Variants in RAPGEF6 observed in about 807,000 individuals in gnomAD.
The protein encoded by RAPGEF6 is PDZ domain containing guanine nucleotide exchange factor (GEF) 2.
RAPGEF6 carries 56 observed loss-of-function variants against 171.4 expected under a neutral mutation model. The ratio of observed to expected loss-of-function variants is 0.33; its 90% CI spans 0.26 to 0.41. The LOEUF (loss-of-function observed/expected upper bound fraction) is 0.41, where lower values mean the gene tolerates loss of function less well. Ranked by LOEUF, RAPGEF6 falls within the 10% of genes least tolerant of loss-of-function variation. RAPGEF6 has a pLI of 1.00. For missense variants in RAPGEF6, 1,674 were observed against 1,921.4 expected (o/e 0.87, Z 2.41); for synonymous variants, 692 against 650.1 (o/e 1.06, Z -0.98).
chr5:131,442,331 T>C lies in RAPGEF6; in HGVS notation c.3610+18A>G, dbSNP rs369229200. The C allele has an allele frequency of 2.5e-6, 4 of 1,585,780 alleles. No individual in the cohort carries two copies. The highest frequency in any genetic ancestry group is 2.7e-5 in the African/African-American group (2 of 73,862). ...AAATTTCAGGTAAACGGATGTAATA[T>C]TAATGGTGAATACTCACTCAGTGCA... is the stretch of plus-strand genomic sequence containing the variant. On this transcript the variant is annotated intron_variant, in intron 23 of 27. Transcript: ENST00000509018.
chr5:131,599,233 A>G (rs1014814810), intron 3 of RAPGEF6, among the ~76,000 whole-genome samples: 2 of 152,108 alleles, frequency 1.3e-5, no homozygotes, highest in African/African-American at 4.8e-5. Context: ...AGGCTGAGGC[A>G]TGAGAATCGC....
intron 7 of RAPGEF6, among the ~76,000 whole-genome samples, chr5:131,517,953 T>G (rs945300463): frequency 6.6e-6 from 1 of 151,168 alleles, no homozygotes; most frequent in Non-Finnish European, 1.5e-5. Context: ...TATTTTCCAA[T>G]TTTTTTTTCA....
At chr5:131,473,657 C>T (rs1456923852) in intron 16 of RAPGEF6, among the ~76,000 whole-genome samples, 1 of 152,090 alleles carries the variant, frequency 6.6e-6, no homozygotes, top group East Asian at 1.9e-4. Context: ...CAGCATTCTG[C>T]CTAGTACTTG....
At chr5:131,457,694 A>G (rs1202476448) in intron 19 of RAPGEF6, among the ~76,000 whole-genome samples, 1 of 152,176 alleles carries the variant, frequency 6.6e-6, no homozygotes, top group African/African-American at 2.4e-5. Flanking sequence ...TGCTGACTTT[A>G]TGTATCCACA....
At chr5:131,428,840 A>G in intron 27 of RAPGEF6, 62 bp downstream of exon 27, 1 of 1,455,386 alleles carries the variant, frequency 6.9e-7, no homozygotes, top group Non-Finnish European at 9.4e-7. Flanking sequence ...ATACCAAAGT[A>G]AAGACCATTT....
At chr5:131,609,810 G>A (rs1314793193) in intron 1 of RAPGEF6, among the ~76,000 whole-genome samples, 3 of 152,162 alleles carry the variant, frequency 2.0e-5, no homozygotes, top group Admixed American at 6.5e-5. Context: ...CTGGGTTTGG[G>A]TTTATCTTAC....
intron 6 of RAPGEF6, among the ~76,000 whole-genome samples, chr5:131,525,276 G>C (rs973858762): frequency 2.0e-5 from 3 of 151,990 alleles, no homozygotes; most frequent in African/African-American, 7.3e-5. Context: ...TTACAATTAA[G>C]GCAAGTCTCA....
In RAPGEF6 at chr5:131,521,840, T is replaced by TACACACAC. The variant is rs3992018; in HGVS notation, c.496-327_496-320dup. Among the ~76,000 whole-genome samples, 411 of 97,216 alleles carry TACACACAC rather than the reference T, an allele frequency of 4.2e-3. 3 individuals are homozygous for TACACACAC. The highest frequency in any genetic ancestry group is 0.015 in the East Asian group (42 of 2,884). The allele number at this position is 97,216 out of a possible 152,430, so 63.8% of individuals were successfully genotyped here. A position where few individuals can be genotyped will look rare whatever the true frequency, so the allele number is the denominator to read the frequency against. On this transcript the variant is annotated intron_variant, in intron 6 of 27. Coordinates refer to ENST00000509018, the MANE Select transcript of RAPGEF6 (RefSeq NM_016340.6). Reference sequence around the variant, plus strand: ...CCATTTAAGGGTAGGAATGTTACCCTACACACACACACACACACACACACA... The same window carrying TACACACAC: ...CCATTTAAGGGTAGGAATGTTACCCTACACACACACACACACACACACACACACACACA...
Position 131,533,105 on chromosome 5 carries a change from C to T in RAPGEF6, c.496-11584G>A, listed in dbSNP as rs946680790. The T allele has an allele frequency of 4.6e-5, 7 of 151,844 alleles. No homozygotes were observed. In the Admixed American group the frequency reaches 4.6e-4, roughly 10 times the overall value. 9.4% of individuals were successfully genotyped at this position (151,844 alleles called of 1,614,324 possible). ...CACCTGTACAGAAAGCCTCCAGAAA[C>T]TGCATTAGATCAATTGGCTACTGTA... On this transcript the variant is annotated intron_variant, in intron 6 of 27. Transcript: ENST00000509018.
chr5:131,482,003 G>C (rs555281762), intron 15 of RAPGEF6, among the ~76,000 whole-genome samples: 181 of 152,316 alleles, frequency 1.2e-3, no homozygotes, highest in African/African-American at 4.3e-3. Flanking sequence ...TTACAAGTAA[G>C]ATAGAAATGG....
chr5:131,554,028 G>A (rs191555317), intron 5 of RAPGEF6, among the ~76,000 whole-genome samples: 2 of 152,022 alleles, frequency 1.3e-5, no homozygotes, highest in African/African-American at 2.4e-5. Context: ...GAAAAACTAC[G>A]ATACCAAATT....
intron 15 of RAPGEF6, among the ~76,000 whole-genome samples, chr5:131,486,148 G>T (rs1369622663): frequency 6.6e-6 from 1 of 152,170 alleles, no homozygotes; most frequent in Non-Finnish European, 1.5e-5. Context: ...AACAAAGGTT[G>T]TAATGCTACT....
chr5:131,508,422 G>C (rs1173154528), intron 8 of RAPGEF6, among the ~76,000 whole-genome samples: 1 of 152,128 alleles, frequency 6.6e-6, no homozygotes, highest in Non-Finnish European at 1.5e-5. Context: ...GGGCATATTG[G>C]AAGATAACAG....
At chr5:131,591,934 G>A (rs1290924351) in intron 4 of RAPGEF6, among the ~76,000 whole-genome samples, 4 of 151,810 alleles carry the variant, frequency 2.6e-5, no homozygotes, top group Non-Finnish European at 2.9e-5. Flanking sequence ...CTCAGCTCAC[G>A]GCAACCTCCA....
rs34309602 is a variant in RAPGEF6, at chr5:131,568,336, A to AT, written c.282-6290dup. Among the ~76,000 whole-genome samples, 20 of 147,922 alleles carry AT rather than the reference A, an allele frequency of 1.4e-4. No individual in the cohort carries two copies. The South Asian group carries it at 1.9e-3, about 14-fold the overall frequency. On this transcript the variant is annotated intron_variant, in intron 4 of 27. Transcript: ENST00000509018. The stretch of plus-strand genomic sequence containing the variant: ...TGATTTTTTAAATGTTATTTTTGTT[A>AT]TTTTTTTTTTTTAGAGATAGGGTCT...
intron 15 of RAPGEF6, among the ~76,000 whole-genome samples, chr5:131,481,304 C>A (rs557892712): frequency 6.6e-6 from 1 of 151,810 alleles, no homozygotes; most frequent in Non-Finnish European, 1.5e-5. Flanking sequence ...GGGCTCACTG[C>A]AGCCTGGACC....
At chr5:131,626,982 G>T (rs1356790714) in intron 1 of RAPGEF6, among the ~76,000 whole-genome samples, 1 of 152,170 alleles carries the variant, frequency 6.6e-6, no homozygotes, top group Non-Finnish European at 1.5e-5. Context: ...CACTCTAGCA[G>T]CAAGACTCAA....
Position 131,427,122 on chromosome 5 carries a change from T to C in RAPGEF6, c.*144A>G, listed in dbSNP as rs946774306. The C allele has an allele frequency of 1.3e-6, 1 of 775,488 alleles. No homozygotes were observed. Among genetic ancestry groups the C allele is most frequent in the Non-Finnish European group, 2.2e-6 (1 of 448,942 alleles). 48.0% of individuals were successfully genotyped at this position (775,488 alleles called of 1,614,324 possible). ...GAAAGGAAGCATAACTCAGGTCTAT[T>C]TCATTGCTCGGAGTAGAGGGAATAA... On this transcript the variant is annotated 3_prime_UTR_variant, in exon 28 of 28. Transcript: ENST00000509018.
Position 131,508,051 on chromosome 5 carries a change from T to A in RAPGEF6, c.942+20A>T. On this transcript the variant is annotated intron_variant, in intron 9 of 27. Coordinates refer to ENST00000509018, the MANE Select transcript of RAPGEF6 (RefSeq NM_016340.6). ...AGTTAGTATCCATAATAAATGTATG[T>A]AATTTATTTATTGACCTACCTCTTG... The A allele has an allele frequency of 6.4e-7, 1 of 1,553,588 alleles. No individual in the cohort carries two copies. The highest frequency in any genetic ancestry group is 1.2e-5 in the South Asian group (1 of 82,404).
Sources: allele counts gnomAD v4.1 joint callset (sites outside exome capture counted in the v4.1 genomes callset), GRCh38; gene constraint gnomAD v4.1.1; transcripts MANE v1.5; gene names NCBI Gene and HGNC (gene_info 2026-07-23, HGNC 2026-07-21).